Variants in FNIP2 observed in about 807,000 individuals in gnomAD.
FNIP2 encodes the protein folliculin interacting protein 2, also known as folliculin-interacting protein 2.
In FNIP2, 32 loss-of-function variants were observed where a neutral mutation model predicts 108.7. That is an observed-to-expected ratio of 0.29 (90% confidence interval 0.22 to 0.40). The LOEUF is 0.40. Ranked by LOEUF, FNIP2 falls within the 10% of genes least tolerant of loss-of-function variation. The pLI is 1.00. For missense variants in FNIP2, 1,202 were observed against 1,381.6 expected, an observed-to-expected ratio of 0.87 and a Z score of 2.06; for synonymous variants, 480 against 496.7, an observed-to-expected ratio of 0.97 and a Z score of 0.45.
At chr4:158,830,407 C>T (rs915234376) in intron 3 of FNIP2, among the ~76,000 whole-genome samples, 5 of 151,662 alleles carry the variant, frequency 3.3e-5, no homozygotes, top group Admixed American at 1.3e-4. Flanking sequence ...GGACTACAGG[C>T]GCCCGCCACC....
intron 14 of FNIP2, among the ~76,000 whole-genome samples, chr4:158,887,460 G>T (rs1782076307): frequency 6.6e-6 from 1 of 152,180 alleles, no homozygotes; most frequent in African/African-American, 2.4e-5. Context: ...TTCCCAGCCA[G>T]GCACGGTGGC....
intron 1 of FNIP2, among the ~76,000 whole-genome samples, chr4:158,803,354 T>C (rs1316299299): frequency 1.3e-5 from 2 of 152,122 alleles, no homozygotes; most frequent in Admixed American, 6.6e-5. Flanking sequence ...TGAATACCTC[T>C]CTAAGTGTGT....
At chr4:158,856,601 C>T (rs576635921) in intron 8 of FNIP2, among the ~76,000 whole-genome samples, 1 of 152,332 alleles carries the variant, frequency 6.6e-6, no homozygotes, top group East Asian at 1.9e-4. Context: ...CTAGCATGAG[C>T]ACCAGCAGAC....
intron 1 of FNIP2, among the ~76,000 whole-genome samples, chr4:158,807,763 C>T (rs372592589): frequency 1.3e-5 from 2 of 151,990 alleles, no homozygotes; most frequent in Non-Finnish European, 2.9e-5. Flanking sequence ...TCCATTACAG[C>T]GTAAGAGCAC....
intron 14 of FNIP2, among the ~76,000 whole-genome samples, chr4:158,887,758 C>A (rs71609012): frequency 0.37 from 40,366 of 109,576 alleles, 6,616 homozygotes; most frequent in Non-Finnish European, 0.45. Context: ...AAAAAAAAAA[C>A]CCAAGAGGAA....
chr4:158,771,903 T>C (rs928119589), intron 1 of FNIP2, among the ~76,000 whole-genome samples: 1 of 152,240 alleles, frequency 6.6e-6, no homozygotes, highest in Non-Finnish European at 1.5e-5. Context: ...GCTGGGCTTA[T>C]GACTGTTCTC....
intron 1 of FNIP2, among the ~76,000 whole-genome samples, chr4:158,789,456 G>C (rs905734389): frequency 6.6e-6 from 1 of 152,162 alleles, no homozygotes; most frequent in Non-Finnish European, 1.5e-5. Flanking sequence ...GTTTTTATAG[G>C]ATGGCCAGGT....
At chr4:158,807,649 G>A (rs1470093940) in intron 1 of FNIP2, among the ~76,000 whole-genome samples, 4 of 151,956 alleles carry the variant, frequency 2.6e-5, no homozygotes, top group Admixed American at 6.6e-5. Context: ...TTTTTGTCAC[G>A]TAAAAATCTT....
At chr4:158,795,499 A>G (rs1207721393) in intron 1 of FNIP2, among the ~76,000 whole-genome samples, 1 of 152,256 alleles carries the variant, frequency 6.6e-6, no homozygotes, top group Non-Finnish European at 1.5e-5. Context: ...TACCTTTATA[A>G]TAGCAGCTAA....
intron 7 of FNIP2, among the ~76,000 whole-genome samples, chr4:158,839,407 G>A (rs1304971141): frequency 1.3e-5 from 2 of 151,764 alleles, no homozygotes; most frequent in Non-Finnish European, 2.9e-5. Context: ...CCCTAAGCTG[G>A]AGTGCTCTTG....
chr4:158,783,097 T>C (rs535741629), intron 1 of FNIP2, among the ~76,000 whole-genome samples: 137 of 152,368 alleles, frequency 9.0e-4, no homozygotes, highest in Admixed American at 2.2e-3. Flanking sequence ...AAGTCAATAT[T>C]GTGTTTAACA....
chr4:158,833,435 T>C (rs957477373), intron 5 of FNIP2, 93 bp from the exon 6 acceptor site: 8 of 718,618 alleles, frequency 1.1e-5, no homozygotes, highest in Non-Finnish European at 1.9e-5. Context: ...GATCAGTCGT[T>C]GTCTATATTT....
intron 11 of FNIP2, 59 bp downstream of exon 11, chr4:158,861,547 A>C: frequency 1.9e-6 from 3 of 1,613,668 alleles, no homozygotes; most frequent in Non-Finnish European, 2.5e-6. Flanking sequence ...TGTGTACTGC[A>C]TAGGATGTGC....
intron 2 of FNIP2, 133 bp from the exon 3 acceptor site, chr4:158,828,946 A>G (rs757294809): frequency 3.8e-4 from 211 of 550,054 alleles, no homozygotes; most frequent in Admixed American, 1.0e-3. Context: ...ATTATTGGGG[A>G]AAAAAAAAAG....
At chr4:158,887,469 G>A (rs1782077170) in intron 14 of FNIP2, among the ~76,000 whole-genome samples, 1 of 152,164 alleles carries the variant, frequency 6.6e-6, no homozygotes, top group Non-Finnish European at 1.5e-5. Flanking sequence ...AGGCACGGTG[G>A]CTCACGCCTG....
chr4:158,774,262 G>T (rs558854506), intron 1 of FNIP2, among the ~76,000 whole-genome samples: 2 of 152,154 alleles, frequency 1.3e-5, no homozygotes, highest in South Asian at 4.1e-4. Flanking sequence ...TTGCCAAGAG[G>T]TAGGTGAAAA....
chr4:158,883,397 A>G (rs1008707588), intron 14 of FNIP2, among the ~76,000 whole-genome samples: 1 of 152,044 alleles, frequency 6.6e-6, no homozygotes, highest in Non-Finnish European at 1.5e-5. Context: ...GCCCGCCACT[A>G]TGCCCGGCTA....
chr4:158,828,514 G>T (rs1466350251), intron 2 of FNIP2, among the ~76,000 whole-genome samples: 1 of 152,118 alleles, frequency 6.6e-6, no homozygotes, highest in Non-Finnish European at 1.5e-5. Flanking sequence ...CTACTTGGAG[G>T]CTGAGACAGG....
At chr4:158,882,927 TCC>T (rs1187967383) in intron 14 of FNIP2, among the ~76,000 whole-genome samples, 14 of 151,748 alleles carry the variant, frequency 9.2e-5, no homozygotes, top group Admixed American at 3.9e-4. Context: ...CTGCTGACCT[TCC>T]CTCCACTATT....
Sources: allele counts gnomAD v4.1 joint callset (sites outside exome capture counted in the v4.1 genomes callset), GRCh38; gene constraint gnomAD v4.1.1; transcripts MANE v1.5; gene names NCBI Gene and HGNC (gene_info 2026-07-23, HGNC 2026-07-21).